The following BORCS5 variants were observed in gnomAD, a reference collection of about 807,000 sequenced individuals.
The protein encoded by BORCS5 is BLOC-1-related complex subunit 5.
A neutral mutation model predicts 22.1 loss-of-function variants in BORCS5; 17 were observed. The observed-to-expected ratio is 0.77, with a 90% CI of 0.53 to 1.15. The LOEUF (loss-of-function observed/expected upper bound fraction) is 1.15, where lower values mean the gene tolerates loss of function less well. Ranked by LOEUF, BORCS5 falls within the 50% of genes most tolerant of loss-of-function variation. The probability of loss-of-function intolerance (pLI) is 0.00; values close to 1 mark genes in which losing one functional copy is unlikely to be tolerated. For missense variants in BORCS5, 247 were observed against 253.2 expected (o/e 0.98, Z 0.17); for synonymous variants, 117 against 99.8 (o/e 1.17, Z -1.03).
intron 2 of BORCS5, among the ~76,000 whole-genome samples, chr12:12,380,444 TCTG>T (rs1331916238): frequency 6.6e-6 from 1 of 151,464 alleles, no homozygotes; most frequent in African/African-American, 2.4e-5. Context: ...TGCAGTTAAT[TCTG>T]CTCCCAGTCT....
intron 2 of BORCS5, among the ~76,000 whole-genome samples, chr12:12,415,937 G>T (rs1941937606): frequency 6.6e-6 from 1 of 152,166 alleles, no homozygotes; most frequent in Non-Finnish European, 1.5e-5. Context: ...GAACTCACCT[G>T]TGAAACTATC....
chr12:12,426,809 A>G (rs1163968841), intron 2 of BORCS5, among the ~76,000 whole-genome samples: 4 of 152,362 alleles, frequency 2.6e-5, no homozygotes, highest in South Asian at 4.1e-4. Context: ...AGGGAGCTGA[A>G]TTCAGCTTTT....
intron 2 of BORCS5, 62 bp from the exon 3 acceptor site, chr12:12,435,566 A>G: frequency 7.1e-7 from 1 of 1,416,634 alleles, no homozygotes; most frequent in Non-Finnish European, 9.8e-7. Flanking sequence ...TTGTTAAACT[A>G]CTTTATTCAC....
chr12:12,377,108 GTCTA>G (rs2136038378), intron 2 of BORCS5, among the ~76,000 whole-genome samples: 1 of 151,750 alleles, frequency 6.6e-6, no homozygotes, highest in South Asian at 2.1e-4. Context: ...ACGATTTTCA[GTCTA>G]TCTCTGTACT....
intron 2 of BORCS5, among the ~76,000 whole-genome samples, chr12:12,365,219 G>T (rs977770177): frequency 6.6e-6 from 1 of 152,164 alleles, no homozygotes; most frequent in Non-Finnish European, 1.5e-5. Context: ...TTTGGTTAAG[G>T]AAGGTAGAGA....
intron 2 of BORCS5, among the ~76,000 whole-genome samples, chr12:12,371,119 C>A (rs1310966209): frequency 6.6e-6 from 1 of 152,048 alleles, no homozygotes. Flanking sequence ...ATATAATGTT[C>A]CAGACTTATT....
intron 2 of BORCS5, among the ~76,000 whole-genome samples, chr12:12,404,346 C>G (rs919524300): frequency 2.0e-5 from 3 of 152,156 alleles, no homozygotes; most frequent in Non-Finnish European, 4.4e-5. Context: ...TCTCACTGTT[C>G]TGGAGGCTGG....
chr12:12,386,572 G>T (rs1863887135), intron 2 of BORCS5, among the ~76,000 whole-genome samples: 2 of 150,180 alleles, frequency 1.3e-5, no homozygotes, highest in Admixed American at 6.6e-5. Flanking sequence ...TACCTCCTGG[G>T]TTCAAGCAAT....
chr12:12,467,570 A>G lies in BORCS5; in HGVS notation c.*1794A>G, dbSNP rs1170216476. On this transcript the variant is annotated 3_prime_UTR_variant, in exon 4 of 4. Transcript: ENST00000314565. ...TGGGGTCCTGAGTAGGTGATAGGCTACTTATTACTGGGTGGAAGCGGAGAA... is the reference window on the plus strand; with the variant it reads ...TGGGGTCCTGAGTAGGTGATAGGCTGCTTATTACTGGGTGGAAGCGGAGAA... The G allele has an allele frequency of 6.6e-6, 1 of 152,216 alleles. No homozygotes were observed. Among genetic ancestry groups the G allele is most frequent in the African/African-American group, 2.4e-5 (1 of 41,452 alleles). 9.4% of individuals were successfully genotyped at this position (152,216 alleles called of 1,614,324 possible). A position where few individuals can be genotyped will look rare whatever the true frequency, so the allele number is the denominator to read the frequency against.
chr12:12,448,821 C>T (rs989352930), intron 3 of BORCS5, among the ~76,000 whole-genome samples: 1 of 152,236 alleles, frequency 6.6e-6, no homozygotes, highest in African/African-American at 2.4e-5. Context: ...GCCACTGTGC[C>T]TGGCCGTGTC....
At chr12:12,431,143 A>G (rs1942412758) in intron 2 of BORCS5, among the ~76,000 whole-genome samples, 1 of 152,202 alleles carries the variant, frequency 6.6e-6, no homozygotes, top group Admixed American at 6.5e-5. Context: ...TCCATGCCAA[A>G]TTGCCCTCCT....
chr12:12,422,143 C>T (rs113032987), intron 2 of BORCS5, among the ~76,000 whole-genome samples: 18 of 152,028 alleles, frequency 1.2e-4, no homozygotes, highest in African/African-American at 2.9e-4. Context: ...ATTAGGGTGT[C>T]GATTTTAGAT....
intron 2 of BORCS5, among the ~76,000 whole-genome samples, chr12:12,429,655 A>C (rs1382243655): frequency 6.6e-6 from 1 of 152,304 alleles, no homozygotes; most frequent in East Asian, 1.9e-4. Context: ...TAGACCTGGC[A>C]ACCTTCTCAA....
rs1224966067 is a variant in BORCS5 at position 12,368,264 on chromosome 12, C to CA, written c.202+6916dup. ...CTTTAGTTTATGATACCTCCCCACC[C>CA]AGTGGTATTCTGTTTTGTTTTTTTT... On this transcript the variant is annotated intron_variant, in intron 2 of 3. Coordinates refer to ENST00000314565, the MANE Select transcript of BORCS5 (RefSeq NM_058169.6). Among the ~76,000 whole-genome samples, 5 of 151,580 alleles carry CA rather than the reference C, an allele frequency of 3.3e-5. No individual in the cohort carries two copies. In the South Asian group the frequency reaches 1.0e-3, roughly 32 times the overall value.
intron 2 of BORCS5, among the ~76,000 whole-genome samples, chr12:12,377,782 A>G (rs1214005214): frequency 6.6e-6 from 1 of 152,178 alleles, no homozygotes; most frequent in African/African-American, 2.4e-5. Flanking sequence ...CTTAAGAGAA[A>G]GCATATTTAG....
rs540745279 is a variant in BORCS5 at position 12,387,769 on chromosome 12, G to A, written c.202+26420G>A. On this transcript the variant is annotated intron_variant, in intron 2 of 3. Coordinates refer to ENST00000314565, the MANE Select transcript of BORCS5 (RefSeq NM_058169.6). ...CATTAAGCCACACCTCCCCCATCCT[G>A]TATTTCTGCAGATAGTTTTTGGACC... Among the ~76,000 whole-genome samples the A allele has an allele frequency of 5.5e-4, 83 of 151,536 alleles. 6 individuals carry two copies. The highest frequency in any genetic ancestry group is 9.5e-4 in the Non-Finnish European group (64 of 67,716).
rs530824966 is a variant in BORCS5, at chr12:12,357,147, C to G, written c.-305C>G. On this transcript the variant is annotated 5_prime_UTR_variant, in exon 1 of 4. Coordinates refer to ENST00000314565, the MANE Select transcript of BORCS5 (RefSeq NM_058169.6). ...AGTGAAAGCGGCGCCGCCCGCCGGC[C>G]GCAGGTGCGGCAAAGCCAGTGTCAT... 8 of 1,533,090 alleles carry G rather than the reference C, an allele frequency of 5.2e-6. No homozygotes were observed. In the African/African-American group the frequency reaches 9.6e-5, roughly 18 times the overall value. The allele number at this position is 1,533,090 out of a possible 1,614,324, so 95.0% of individuals were successfully genotyped here.
chr12:12,462,857 G>A lies in BORCS5; in HGVS notation c.361-2689G>A, dbSNP rs879510061. 4.6e-5 allele frequency among the ~76,000 whole-genome samples: 7 copies of A among 151,840 alleles called. 1 individual carries two copies. In the East Asian group the frequency reaches 9.7e-4, roughly 21 times the overall value. ...ATTTTAATAGAGACGGAGTTTCGCC[G>A]TGTTGCCCAGGCTGGTCTCGAACTC... On this transcript the variant is annotated intron_variant, in intron 3 of 3. Coordinates refer to ENST00000314565, the MANE Select transcript of BORCS5 (RefSeq NM_058169.6).
rs1024071792 is a variant in BORCS5 at position 12,361,151 on chromosome 12, G to A, written c.59-55G>A. The A allele has an allele frequency of 3.2e-6, 5 of 1,559,152 alleles. No individual in the cohort carries two copies. In the African/African-American group the frequency reaches 5.4e-5, roughly 17 times the overall value. On this transcript the variant is annotated intron_variant, in intron 1 of 3. Coordinates refer to ENST00000314565, the MANE Select transcript of BORCS5 (RefSeq NM_058169.6). The stretch of plus-strand genomic sequence containing the variant: ...TAATCACTACACCAAAAACTGCTTT[G>A]GTGAGGCAGAGATGCCTAATATGCA...
Sources: allele counts gnomAD v4.1 joint callset (sites outside exome capture counted in the v4.1 genomes callset), GRCh38; gene constraint gnomAD v4.1.1; transcripts MANE v1.5; gene names NCBI Gene and HGNC (gene_info 2026-07-23, HGNC 2026-07-21).